Variants in VWA8 observed in about 807,000 individuals in gnomAD.
The protein encoded by VWA8 is von Willebrand factor A domain containing 8, also known as von Willebrand factor A domain-containing protein 8.
Under a neutral mutation model 241.5 loss-of-function variants are expected in VWA8, and 221 were observed. The observed-to-expected ratio is 0.91, with a 90% CI of 0.82 to 1.02. VWA8 has a LOEUF of 1.02. Among genes scored for constraint, VWA8 ranks in the 50% least tolerant of loss-of-function variants. VWA8 has a pLI of 0.00. For synonymous variants in VWA8, 852 were observed against 827.1 expected, an observed-to-expected ratio of 1.03 and a Z score of -0.52; for missense variants, 2,322 against 2,328.7, an observed-to-expected ratio of 1.00 and a Z score of 0.06.
Position 41,949,978 on chromosome 13 carries a change from A to T in VWA8, c.199T>A (p.Leu67Met). The T allele has an allele frequency of 1.3e-6, 2 of 1,596,586 alleles. No homozygotes were observed. Among genetic ancestry groups the T allele is most frequent in the Non-Finnish European group, 1.7e-6 (2 of 1,169,174 alleles). Residue 67 changes from leucine to methionine, a missense_variant, in exon 2 of 45, where the codon TTG becomes ATG. Leu to Met is a conservative substitution (Grantham distance 15). Coordinates refer to ENST00000379310, the MANE Select transcript of VWA8 (RefSeq NM_015058.2). Reference protein sequence around the residue: ...TVNIGDVSYKLKIPKNPELVP... With the variant: ...TVNIGDVSYKMKIPKNPELVP... ...AGTTCTGGATTCTTAGGAATTTTCA[A>T]CTTGTAGGATACATCTCCAATATTA... is the stretch of plus-strand genomic sequence containing the variant.
chr13:41,929,884 G>A (rs564836471), intron 2 of VWA8, among the ~76,000 whole-genome samples: 9 of 152,024 alleles, frequency 5.9e-5, no homozygotes, highest in Non-Finnish European at 1.2e-4. Flanking sequence ...ACAAATAAGT[G>A]AGACTACATA....
intron 43 of VWA8, among the ~76,000 whole-genome samples, chr13:41,575,429 G>A (rs1359580111): frequency 6.6e-6 from 1 of 151,994 alleles, no homozygotes; most frequent in Non-Finnish European, 1.5e-5. Context: ...TTTTAAAAGG[G>A]GTCATTCTTT....
rs542213431 is a variant in VWA8 at position 41,870,050 on chromosome 13, G to A, written c.1081-1573C>T. Among the ~76,000 whole-genome samples the A allele has an allele frequency of 1.1e-4, 17 of 152,122 alleles. No homozygotes were observed. The East Asian group carries it at 3.1e-3, about 28-fold the overall frequency. On this transcript the variant is annotated intron_variant, in intron 9 of 44. Coordinates refer to ENST00000379310, the MANE Select transcript of VWA8 (RefSeq NM_015058.2). ...TCAACATTCTAAACTTAACATCCCA[G>A]TTCAAGTCTTCATTTTGATGTCATA...
At chr13:41,727,151 T>C in intron 24 of VWA8, 43 bp downstream of exon 24, 2 of 1,405,900 alleles carry the variant, frequency 1.4e-6, no homozygotes, top group Non-Finnish European at 1.9e-6. Context: ...ACTAATATTA[T>C]TATTACTGCT....
intron 12 of VWA8, among the ~76,000 whole-genome samples, chr13:41,836,899 G>A (rs1288145603): frequency 1.3e-5 from 2 of 152,072 alleles, no homozygotes; most frequent in Admixed American, 6.6e-5. Context: ...TTCAATCTTC[G>A]GAGGGATAGA....
At chr13:41,816,064 C>T (rs1409448893) in intron 16 of VWA8, among the ~76,000 whole-genome samples, 3 of 151,974 alleles carry the variant, frequency 2.0e-5, no homozygotes, top group African/African-American at 7.3e-5. Context: ...AATGGAAAGA[C>T]AGTTTAGTTG....
At chr13:41,947,709 C>T (rs928859959) in intron 2 of VWA8, among the ~76,000 whole-genome samples, 1 of 151,876 alleles carries the variant, frequency 6.6e-6, no homozygotes, top group Non-Finnish European at 1.5e-5. Context: ...CTGAGGTGGG[C>T]GGATCACATG....
chr13:41,956,674 A>G (rs990843979), intron 1 of VWA8, among the ~76,000 whole-genome samples: 5 of 152,212 alleles, frequency 3.3e-5, no homozygotes, highest in African/African-American at 1.2e-4. Context: ...AGTTATTTCT[A>G]TCTAATCCTA....
intron 14 of VWA8, among the ~76,000 whole-genome samples, chr13:41,827,604 A>T (rs1871235156): frequency 6.6e-6 from 1 of 152,220 alleles, no homozygotes; most frequent in African/African-American, 2.4e-5. Flanking sequence ...GTAAAATTTC[A>T]AATGAAAATT....
chr13:41,866,175 C>T lies in VWA8; in HGVS notation c.1213-139G>A, dbSNP rs537112442. 5.8e-5 allele frequency: 63 copies of T among 1,085,978 alleles called. No individual in the cohort carries two copies. In the African/African-American group the frequency reaches 7.6e-4, roughly 13 times the overall value. 67.3% of individuals were successfully genotyped at this position (1,085,978 alleles called of 1,614,324 possible). A position where few individuals can be genotyped will look rare whatever the true frequency, so the allele number is the denominator to read the frequency against. ...CCAGCCTGGCCAATATGGTGAAACC[C>T]CATCTCTACAAAAATACAAAAAAAT... On this transcript the variant is annotated intron_variant, in intron 10 of 44. Transcript: ENST00000379310.
intron 14 of VWA8, among the ~76,000 whole-genome samples, chr13:41,829,451 T>C (rs1466244181): frequency 1.3e-5 from 2 of 152,000 alleles, no homozygotes; most frequent in East Asian, 1.9e-4. Flanking sequence ...TTCATGTTTA[T>C]AGCAACAGAA....
chr13:41,769,442 G>A (rs1357605320), intron 20 of VWA8, among the ~76,000 whole-genome samples: 28 of 152,192 alleles, frequency 1.8e-4, no homozygotes, highest in Admixed American at 1.8e-3. Context: ...AATCATTGAG[G>A]CTGGGTGATG....
chr13:41,600,859 TC>T (rs1196168992), intron 40 of VWA8, among the ~76,000 whole-genome samples: 2 of 152,116 alleles, frequency 1.3e-5, no homozygotes, highest in Admixed American at 1.3e-4. Context: ...CTTGAATTTG[TC>T]TCATTCTTTC....
intron 20 of VWA8, among the ~76,000 whole-genome samples, chr13:41,766,572 A>T (rs1269762133): frequency 6.6e-6 from 1 of 152,178 alleles, no homozygotes; most frequent in Non-Finnish European, 1.5e-5. Flanking sequence ...TTCCATATCC[A>T]TATCTTTGCT....
At chr13:41,737,563 C>T (rs1418641583) in intron 21 of VWA8, among the ~76,000 whole-genome samples, 2 of 152,182 alleles carry the variant, frequency 1.3e-5, no homozygotes, top group African/African-American at 2.4e-5. Context: ...CTATCCGATA[C>T]AACAATAGGA....
At chr13:41,686,085 G>C (rs1162222621) in intron 34 of VWA8, among the ~76,000 whole-genome samples, 1 of 151,982 alleles carries the variant, frequency 6.6e-6, no homozygotes, top group African/African-American at 2.4e-5. Flanking sequence ...ACTAACTTTT[G>C]CCCATAGCAA....
intron 9 of VWA8, among the ~76,000 whole-genome samples, chr13:41,882,936 C>G (rs1392362777): frequency 1.3e-5 from 2 of 151,990 alleles, no homozygotes; most frequent in African/African-American, 4.8e-5. Flanking sequence ...TACATATACA[C>G]ATACTATCTC....
chr13:41,832,283 T>C lies in VWA8; in HGVS notation c.1586+1088A>G, dbSNP rs116301348. 6.4e-3 allele frequency among the ~76,000 whole-genome samples: 970 copies of C among 152,316 alleles called. 7 individuals carry two copies. The highest frequency in any genetic ancestry group is 0.022 in the African/African-American group (923 of 41,570). On this transcript the variant is annotated intron_variant, in intron 13 of 44. Transcript: ENST00000379310. ...CAAGGTGATTCCAAGGTTGAGAACC[T>C]GAGAAGCACTGGCTTAGCACAATGC...
Position 41,575,811 on chromosome 13 carries a change from C to CATCT in VWA8, c.5295_5298dup (p.Gly1767ArgfsTer18). 11 of 1,613,194 alleles carry CATCT rather than the reference C, an allele frequency of 6.8e-6. No individual in the cohort carries two copies. The highest frequency in any genetic ancestry group is 9.3e-6 in the Non-Finnish European group (11 of 1,179,872). Reference sequence around the variant, plus strand: ...ATTGGAACCAGACCAATGTTGTAGCCATCTCCAGAGTGTCCAACGATGTCA... The same window carrying CATCT: ...ATTGGAACCAGACCAATGTTGTAGCCATCTATCTCCAGAGTGTCCAACGATGTCA... On this transcript the variant is annotated frameshift_variant, in exon 43 of 45. Transcript: ENST00000379310. LOFTEE classifies it high-confidence loss of function.
Sources: allele counts gnomAD v4.1 joint callset (sites outside exome capture counted in the v4.1 genomes callset), GRCh38; gene constraint gnomAD v4.1.1; transcripts MANE v1.5; gene names NCBI Gene and HGNC (gene_info 2026-07-23, HGNC 2026-07-21).